The following GPR85 variants were observed in gnomAD, a reference collection of about 807,000 sequenced individuals.
The protein encoded by GPR85 is probable G protein-coupled receptor 85.
In GPR85, 7 loss-of-function variants were observed where a neutral mutation model predicts 21.3. That is an observed-to-expected ratio of 0.33 (90% CI 0.19 to 0.62). GPR85 has a LOEUF of 0.62. Ranked by LOEUF, GPR85 falls within the 20% of genes least tolerant of loss-of-function variation. The pLI, the probability that GPR85 is intolerant of heterozygous loss-of-function variation, is 0.80. For missense variants in GPR85, 299 were observed against 443.8 expected, an observed-to-expected ratio of 0.67 and a Z score of 2.93; for synonymous variants, 167 against 166.1, an observed-to-expected ratio of 1.01 and a Z score of -0.04.
rs1178808851 is a variant in GPR85 at position 113,084,522 on chromosome 7, A to G, written c.200T>C (p.Ile67Thr). 4 of 1,612,818 alleles carry G rather than the reference A, an allele frequency of 2.5e-6. No individual in the cohort carries two copies. The highest frequency in any genetic ancestry group is 1.3e-5 in the African/African-American group (1 of 75,018). Residue 67 changes from isoleucine (I) to threonine (T), a missense_variant, in exon 3 of 3, where the codon ATC (isoleucine) becomes ACC (threonine). Physicochemically the swap from Ile to Thr is moderately conservative, Grantham distance 89. Around this residue, in one of 2 missense-constraint regions of GPR85, gnomAD observed 101 missense variants for 108.4 expected, o/e 0.93. Coordinates refer to ENST00000424100, the MANE Select transcript of GPR85 (RefSeq NM_001146267.2). ...YFLLDLCCSDILRSAICFPFV... is the reference protein window; with the variant it reads ...YFLLDLCCSDTLRSAICFPFV... Reference sequence around the variant, plus strand: ...TGGGAAACAAATTGCAGATCTGAGGATATCTGAACAGCAAAGATCCAACAG... The same window carrying G: ...TGGGAAACAAATTGCAGATCTGAGGGTATCTGAACAGCAAAGATCCAACAG...
Position 113,086,431 on chromosome 7 carries a change from T to TTTTTTTTTTTTTTTTTTTTG in GPR85, c.-399_-398insCAAAAAAAAAAAAAAAAAAA, listed in dbSNP as rs1414402156. 1.3e-4 allele frequency: 14 copies of TTTTTTTTTTTTTTTTTTTTG among 108,236 alleles called. 3 individuals carry two copies. The highest frequency in any genetic ancestry group is 1.9e-4 in the Admixed American group (2 of 10,624). 6.7% of individuals were successfully genotyped at this position (108,236 alleles called of 1,614,324 possible). ...TTTTTTTTTTTGTTTTTTGTTTTTTTTTTTTTTTTTTTTGCCTTAGTGCCT... is the reference window on the plus strand; with the variant it reads ...TTTTTTTTTTTGTTTTTTGTTTTTTTTTTTTTTTTTTTTTTTTTTGTTTTTTTTTTTTTGCCTTAGTGCCT... On this transcript the variant is annotated 5_prime_UTR_variant, in exon 1 of 3. It removes the in-frame stop codon of an upstream open reading frame in the 5' UTR. Transcript: ENST00000424100.
Position 113,083,626 on chromosome 7 carries a change from G to T in GPR85, c.1096C>A (p.Pro366Thr), listed in dbSNP as rs753641799. The change falls in exon 3 of 3, where the codon CCT (proline) becomes ACT (threonine). Residue 366 changes from proline (P) to threonine (T), a missense_variant. Physicochemically the swap from Pro to Thr is conservative, Grantham distance 38. This residue lies in a region of GPR85 where 198 missense variants were observed against 335.4 expected (regional missense o/e 0.59). Coordinates refer to ENST00000424100, the MANE Select transcript of GPR85 (RefSeq NM_001146267.2). The surrounding 1 kb of genome is among the most constrained non-coding windows in gnomAD (Gnocchi z 4.4). Reference protein sequence around the residue: ...YCRKSRLPREPYCVI With the variant: ...YCRKSRLPRETYCVI The stretch of plus-strand genomic sequence containing the variant: ...ATGCTCCCTCATATAACACAGTAAG[G>T]TTCCCTTGGTAACCTGGATTTTCTG... 9.9e-6 allele frequency: 16 copies of T among 1,613,724 alleles called. No individual in the cohort carries two copies. Among genetic ancestry groups the T allele is most frequent in the Non-Finnish European group, 1.2e-5 (14 of 1,179,796 alleles).
In GPR85 at chr7:113,084,000, G is replaced by A; in HGVS notation, c.722C>T (p.Ala241Val). The change falls in exon 3 of 3, where the codon GCC becomes GTC. Residue 241 changes from alanine to valine, a missense_variant. Physicochemically the swap from Ala to Val is moderately conservative, Grantham distance 64 (BLOSUM62 0). Transcript: ENST00000424100. This position sits in a 1 kb window ranked among gnomAD's most constrained non-coding sequence, Gnocchi z 4.4. ...CCTTCCAAATCCTGCTAGCCAATTGGCAGCTGCCTGGCCACTGGCTCCAGG... is the reference window on the plus strand; with the variant it reads ...CCTTCCAAATCCTGCTAGCCAATTGACAGCTGCCTGGCCACTGGCTCCAGG... ...HGPGASGQAA[A>V]NWLAGFGRGP... 6.2e-7 allele frequency: 1 copy of A among 1,614,180 alleles called. No individual in the cohort carries two copies. Among genetic ancestry groups the A allele is most frequent in the African/African-American group, 1.3e-5 (1 of 75,046 alleles).
chr7:113,085,648 C>A (rs764267009), intron 2 of GPR85, among the ~76,000 whole-genome samples: 1 of 152,152 alleles, frequency 6.6e-6, no homozygotes, highest in African/African-American at 2.4e-5. Context: ...GGCAATTAAG[C>A]CTTTCCCATT....
chr7:113,084,957 T>C (rs1794236779), intron 2 of GPR85, 66 bp from the exon 3 acceptor site: 1 of 417,950 alleles, frequency 2.4e-6, no homozygotes, highest in African/African-American at 2.1e-5. Context: ...CAGACAGTGC[T>C]AACAAAGCTG....
chr7:113,084,908 A>C lies in GPR85; in HGVS notation c.-170-17T>G, dbSNP rs904559400. On this transcript the variant is annotated splice_polypyrimidine_tract_variant and intron_variant, in intron 2 of 2. Transcript: ENST00000424100. ...TCAGAATATCTGAAAAAAAAAAAAA[A>C]AAAAACCTATCAGTTCTTAAGTTAA... 20 of 543,544 alleles carry C rather than the reference A, an allele frequency of 3.7e-5. No homozygotes were observed. In the Admixed American group the frequency reaches 5.1e-4, roughly 14 times the overall value. 33.7% of individuals were successfully genotyped at this position (543,544 alleles called of 1,614,324 possible).
chr7:113,087,679 A>G (rs532469923), upstream of GPR85: 1 of 153,814 alleles, frequency 6.5e-6, no homozygotes, highest in African/African-American at 2.4e-5. Flanking sequence ...TTTTTGCTTT[A>G]TAATAATCTG....
Position 113,083,739 on chromosome 7 carries a change from C to T in GPR85, c.983G>A (p.Ser328Asn), listed in dbSNP as rs550062378. 5 of 1,614,218 alleles carry T rather than the reference C, an allele frequency of 3.1e-6. No individual in the cohort carries two copies. The highest frequency in any genetic ancestry group is 1.3e-5 in the African/African-American group (1 of 75,052). ...AGGATTGATTCCTGCTTGGGCAAAACTCATCCAGACAGCAGCTGTTAGAAA... is the reference window on the plus strand; with the variant it reads ...AGGATTGATTCCTGCTTGGGCAAAATTCATCCAGACAGCAGCTGTTAGAAA... Reference protein sequence around the residue: ...GGFLTAAVWMSFAQAGINPFV... With the variant: ...GGFLTAAVWMNFAQAGINPFV... The change falls in exon 3 of 3, where the codon AGT (serine) becomes AAT (asparagine). Residue 328 changes from serine to asparagine, a missense_variant. Physicochemically the swap from Ser to Asn is conservative, Grantham distance 46. This residue lies in a region of GPR85 where 198 missense variants were observed against 335.4 expected (regional missense o/e 0.59). Transcript: ENST00000424100. This position sits in a 1 kb window ranked among gnomAD's most constrained non-coding sequence, Gnocchi z 4.4.
At position 113,084,896 on chromosome 7, in the gene GPR85, A is replaced by C; in HGVS notation, c.-170-5T>G. On this transcript the variant is annotated splice_polypyrimidine_tract_variant and splice_region_variant and intron_variant, in intron 2 of 2. Coordinates refer to ENST00000424100, the MANE Select transcript of GPR85 (RefSeq NM_001146267.2). ...CTTGTTTTGCCATCAGAATATCTGA[A>C]AAAAAAAAAAAAAAAAACCTATCAG... The C allele has an allele frequency of 3.9e-6, 1 of 258,924 alleles. No homozygotes were observed. The highest frequency in any genetic ancestry group is 7.6e-6 in the Non-Finnish European group (1 of 131,616). 16.0% of individuals were successfully genotyped at this position (258,924 alleles called of 1,614,324 possible).
In GPR85 at chr7:113,086,680, C is replaced by T. The variant is rs1050772637; in HGVS notation, c.-647G>A. On this transcript the variant is annotated 5_prime_UTR_variant, in exon 1 of 3. Transcript: ENST00000424100. ...GAGCTGGCTGGGTTTATTGACTGCCCTGTCCAATCCAACTGGCAGCATTAA... is the reference window on the plus strand; with the variant it reads ...GAGCTGGCTGGGTTTATTGACTGCCTTGTCCAATCCAACTGGCAGCATTAA... Among the ~76,000 whole-genome samples the T allele has an allele frequency of 5.3e-5, 8 of 151,820 alleles. No individual in the cohort carries two copies. The South Asian group carries it at 1.2e-3, about 24-fold the overall frequency.
rs1794317966 is a variant in GPR85 at position 113,086,803 on chromosome 7, C to T, written c.-770G>A. Among the ~76,000 whole-genome samples, 2 of 152,246 alleles carry T rather than the reference C, an allele frequency of 1.3e-5. No individual in the cohort carries two copies. Among genetic ancestry groups the T allele is most frequent in the Admixed American group, 6.5e-5 (1 of 15,304 alleles). ...TTCAGGACCTCAGGCCCATCCTCTT[C>T]CCAAAGGCAGCGCACGAGGAAGTCA... On this transcript the variant is annotated 5_prime_UTR_variant, in exon 1 of 3. Transcript: ENST00000424100.
rs1794189324 is a variant in GPR85 at position 113,083,454 on chromosome 7, T to G, written c.*155A>C. ...ATCACTCTGAGATTTAAAATAGGAT[T>G]ATAGGTGAACTATTGCAAAGACTGC... On this transcript the variant is annotated 3_prime_UTR_variant, in exon 3 of 3. Coordinates refer to ENST00000424100, the MANE Select transcript of GPR85 (RefSeq NM_001146267.2). This position sits in a 1 kb window ranked among gnomAD's most constrained non-coding sequence, Gnocchi z 4.4. 1 of 702,468 alleles carries G rather than the reference T, an allele frequency of 1.4e-6. No homozygotes were observed. Among genetic ancestry groups the G allele is most frequent in the African/African-American group, 1.8e-5 (1 of 56,344 alleles). 43.5% of individuals were successfully genotyped at this position (702,468 alleles called of 1,614,324 possible). A position where few individuals can be genotyped will look rare whatever the true frequency, so the allele number is the denominator to read the frequency against.
At position 113,086,414 on chromosome 7, in the gene GPR85, T is replaced by C. The variant is rs1562996841; in HGVS notation, c.-381A>G. On this transcript the variant is annotated 5_prime_UTR_variant, in exon 1 of 3. Transcript: ENST00000424100. ...TCTTTTTCTTTTTTTTTTTTTTTTT[T>C]TTGTTTTTTGTTTTTTTTTTTTTTT... The C allele has an allele frequency of 2.4e-5, 2 of 84,460 alleles. No homozygotes were observed. Among genetic ancestry groups the C allele is most frequent in the Non-Finnish European group, 4.5e-5 (2 of 44,544 alleles). The allele number at this position is 84,460 out of a possible 1,614,324, so 5.2% of individuals were successfully genotyped here. A position where few individuals can be genotyped will look rare whatever the true frequency, so the allele number is the denominator to read the frequency against.
upstream of GPR85, chr7:113,087,443 A>G (rs1794337998): frequency 6.5e-6 from 1 of 154,440 alleles, no homozygotes; most frequent in Non-Finnish European, 1.5e-5. Context: ...AACTTACACC[A>G]GTCCAAACGG....
chr7:113,084,572 G>T lies in GPR85; in HGVS notation c.150C>A (p.Thr50=). The change falls in exon 3 of 3, where the codon ACC becomes ACA. Residue 50 remains threonine, a synonymous_variant. Transcript: ENST00000424100. The part of the protein sequence containing the change: ...LISILLVKDK[T]LHRAPYYFLL... ...GGAAGTAGTAAGGTGCTCTATGCAA[G>T]GTCTTATCTTTCACTAGCAAAATGG... 1 of 1,613,644 alleles carries T rather than the reference G, an allele frequency of 6.2e-7. No homozygotes were observed. Among genetic ancestry groups the T allele is most frequent in the Non-Finnish European group, 8.5e-7 (1 of 1,179,554 alleles).
rs1794235137 is a variant in GPR85 at position 113,084,909 on chromosome 7, A to C, written c.-170-18T>G. The C allele has an allele frequency of 1.3e-5, 7 of 543,478 alleles. No homozygotes were observed. Among genetic ancestry groups the C allele is most frequent in the Non-Finnish European group, 2.0e-5 (6 of 304,482 alleles). The allele number at this position is 543,478 out of a possible 1,614,324, so 33.7% of individuals were successfully genotyped here. A position where few individuals can be genotyped will look rare whatever the true frequency, so the allele number is the denominator to read the frequency against. ...CAGAATATCTGAAAAAAAAAAAAAA[A>C]AAAACCTATCAGTTCTTAAGTTAAC... On this transcript the variant is annotated intron_variant, in intron 2 of 2. Coordinates refer to ENST00000424100, the MANE Select transcript of GPR85 (RefSeq NM_001146267.2).
At chr7:113,087,068 A>G (rs1178178615), upstream of GPR85, among the ~76,000 whole-genome samples, 2 of 152,236 alleles carry the variant, frequency 1.3e-5, no homozygotes, top group African/African-American at 4.8e-5. Flanking sequence ...TCCCACAGTT[A>G]AAAATCTTTT....
chr7:113,086,443 T>TTTTTTTG lies in GPR85; in HGVS notation c.-411_-410insCAAAAAA, dbSNP rs1226724105. The stretch of plus-strand genomic sequence containing the variant: ...TTTTTTGTTTTTTTTTTTTTTTTTT[T>TTTTTTTG]TGCCTTAGTGCCTTGACTGAGCATC... On this transcript the variant is annotated 5_prime_UTR_variant, in exon 1 of 3. An upstream open reading frame in the 5' UTR gains an earlier in-frame stop. Transcript: ENST00000424100. 7.5e-6 allele frequency: 1 copy of TTTTTTTG among 133,692 alleles called. No individual in the cohort carries two copies. Among genetic ancestry groups the TTTTTTTG allele is most frequent in the Non-Finnish European group, 1.6e-5 (1 of 63,004 alleles). The allele number at this position is 133,692 out of a possible 1,614,324, so 8.3% of individuals were successfully genotyped here.
chr7:113,086,466 A>C lies in GPR85; in HGVS notation c.-433T>G, dbSNP rs1196575022. ...TTTTGCCTTAGTGCCTTGACTGAGC[A>C]TCCAGGCAGGGCTCGGCGGCGCCTG... On this transcript the variant is annotated 5_prime_UTR_variant, in exon 1 of 3. An upstream start codon of the reference 5' UTR is lost. Coordinates refer to ENST00000424100, the MANE Select transcript of GPR85 (RefSeq NM_001146267.2). 1 of 100,086 alleles carries C rather than the reference A, an allele frequency of 1.0e-5. No homozygotes were observed. Among genetic ancestry groups the C allele is most frequent in the East Asian group, 3.4e-4 (1 of 2,906 alleles). The allele number at this position is 100,086 out of a possible 1,614,324, so 6.2% of individuals were successfully genotyped here.
Sources: allele counts gnomAD v4.1 joint callset (sites outside exome capture counted in the v4.1 genomes callset), GRCh38; gene constraint gnomAD v4.1.1; regional missense constraint gnomAD v4.1.1; non-coding constraint Gnocchi (gnomAD v3.1); transcripts MANE v1.5; gene names NCBI Gene and HGNC (gene_info 2026-07-23, HGNC 2026-07-21).